Variants in SCN9A observed in about 807,000 individuals in gnomAD.
SCN9A encodes sodium voltage-gated channel alpha subunit 9, also known as sodium channel protein type 9 subunit alpha.
Under a neutral mutation model 187.0 loss-of-function variants are expected in SCN9A, and 131 were observed. That is an observed-to-expected ratio of 0.70 (90% confidence interval 0.61 to 0.81). The LOEUF is 0.81. SCN9A is among the 30% of genes least tolerant of loss of function. The pLI is 0.00. For synonymous variants in SCN9A, 809 were observed against 808.6 expected (o/e 1.00, Z -0.01); for missense variants, 2,252 against 2,396.6 (o/e 0.94, Z 1.26).
At chr2:166,227,812 AATT>A (rs3838778) in intron 22 of SCN9A, 89 bp from the exon 23 acceptor site, 19,888 of 721,390 alleles carry the variant, frequency 0.028, 2,293 homozygotes, top group Admixed American at 0.26. Context: ...ATGTTACCAC[AATT>A]ATTAAGTAAT....
At chr2:166,287,667 A>G (rs1697831483) in intron 10 of SCN9A, among the ~76,000 whole-genome samples, 1 of 152,106 alleles carries the variant, frequency 6.6e-6, no homozygotes, top group African/African-American at 2.4e-5. Context: ...TGTTTCTCTT[A>G]GTACAAGCCT....
intron 21 of SCN9A, among the ~76,000 whole-genome samples, 156 bp downstream of exon 21, chr2:166,233,184 T>C (rs1216227093): frequency 1.2e-5 from 1 of 83,414 alleles, no homozygotes; most frequent in Non-Finnish European, 2.3e-5. Flanking sequence ...TATATACATA[T>C]ATGCATATGT....
rs1558974298 is a variant in SCN9A at position 166,239,221 on chromosome 2, T to TAAAAAAA, written c.3628-955_3628-954insTTTTTTT. 6.9e-5 allele frequency among the ~76,000 whole-genome samples: 9 copies of TAAAAAAA among 130,082 alleles called. 4 individuals carry two copies. Among genetic ancestry groups the TAAAAAAA allele is most frequent in the Admixed American group, 1.6e-4 (2 of 12,668 alleles). The allele number at this position is 130,082 out of a possible 152,430, so 85.3% of individuals were successfully genotyped here. A position where few individuals can be genotyped will look rare whatever the true frequency, so the allele number is the denominator to read the frequency against. ...CTGGGCAACAGAGCAAGACTCTGTC[T>TAAAAAAA]CAAAAAAAAAAAAAAAAAAAAGGCT... On this transcript the variant is annotated intron_variant, in intron 19 of 26. Transcript: ENST00000642356.
chr2:166,238,534 C>A (rs1017000564), intron 19 of SCN9A, among the ~76,000 whole-genome samples: 2 of 152,196 alleles, frequency 1.3e-5, no homozygotes, highest in Non-Finnish European at 2.9e-5. Context: ...TGATCTCTGA[C>A]ACCTGATCAT....
intron 20 of SCN9A, among the ~76,000 whole-genome samples, chr2:166,233,746 T>C (rs1695196606): frequency 6.6e-6 from 1 of 152,160 alleles, no homozygotes. Flanking sequence ...TTGTAATCAA[T>C]TGCTTTGTAA....
Position 166,199,078 on chromosome 2 carries a change from C to G in SCN9A, c.5561G>C (p.Gly1854Ala). Reference sequence around the variant, plus strand: ...CTGTGAACGAAGAGAATCCATCTCCCCACTCTCACCCAAAACACGCTTTGT... The same window carrying G: ...CTGTGAACGAAGAGAATCCATCTCCGCACTCTCACCCAAAACACGCTTTGT... The part of the protein sequence containing the change: ...AFTKRVLGES[G>A]EMDSLRSQME... The change falls in exon 27 of 27, where the codon GGG (glycine) becomes GCG (alanine). Residue 1854 changes from glycine to alanine, a missense_variant. Physicochemically the swap from Gly to Ala is moderately conservative, Grantham distance 60 (BLOSUM62 0). Transcript: ENST00000642356. 2 of 1,614,064 alleles carry G rather than the reference C, an allele frequency of 1.2e-6. No homozygotes were observed. The highest frequency in any genetic ancestry group is 1.7e-6 in the Non-Finnish European group (2 of 1,180,016).
intron 1 of SCN9A, among the ~76,000 whole-genome samples, chr2:166,315,738 A>G (rs868505698): frequency 1.5e-4 from 23 of 152,316 alleles, no homozygotes; most frequent in Admixed American, 3.3e-4. Context: ...ACAGGGTTAC[A>G]GAGGGCAACA....
rs200189279 is a variant in SCN9A at position 166,293,330 on chromosome 2, G to A, written c.1008C>T (p.Asn336=). The change falls in exon 9 of 27, where the codon AAC becomes AAT. Residue 336 remains asparagine, a synonymous_variant. Transcript: ENST00000642356. ...CAAAGCTCGTGTAGCCATAATCAGGGTTTCTGCCAATTTTCACACAGGTGT... is the reference window on the plus strand; with the variant it reads ...CAAAGCTCGTGTAGCCATAATCAGGATTTCTGCCAATTTTCACACAGGTGT... The part of the protein sequence containing the change: ...EGYTCVKIGR[N]PDYGYTSFDT... 9 of 1,609,130 alleles carry A rather than the reference G, an allele frequency of 5.6e-6. No homozygotes were observed. The highest frequency in any genetic ancestry group is 1.7e-5 in the Admixed American group (1 of 59,310).
At chr2:166,349,904 G>A (rs1379612083) in intron 1 of SCN9A, among the ~76,000 whole-genome samples, 2 of 151,928 alleles carry the variant, frequency 1.3e-5, no homozygotes. Flanking sequence ...CCTGGGAGGC[G>A]GAGGTTGTGG....
At chr2:166,232,974 T>A (rs12611883) in intron 21 of SCN9A, among the ~76,000 whole-genome samples, 19,784 of 147,034 alleles carry the variant, frequency 0.13, 1,688 homozygotes, top group East Asian at 0.34. Flanking sequence ...ATTAATGCTA[T>A]AATTAGTATT....
intron 1 of SCN9A, among the ~76,000 whole-genome samples, chr2:166,344,618 C>T (rs888943770): frequency 6.6e-6 from 1 of 152,166 alleles, no homozygotes. Context: ...GTAAAAGGCA[C>T]AATGAAATTT....
intron 1 of SCN9A, among the ~76,000 whole-genome samples, chr2:166,338,571 A>G (rs113989468): frequency 1.6e-4 from 25 of 152,268 alleles, no homozygotes; most frequent in Admixed American, 1.5e-3. Context: ...CCCACTTCCT[A>G]TAATGTTAAC....
intron 1 of SCN9A, among the ~76,000 whole-genome samples, chr2:166,361,567 T>C (rs1296128771): frequency 6.6e-6 from 1 of 152,054 alleles, no homozygotes; most frequent in East Asian, 1.9e-4. Flanking sequence ...GTTTGATAAA[T>C]GTGGATACAC....
chr2:166,292,264 T>C (rs774414033), intron 9 of SCN9A, among the ~76,000 whole-genome samples: 1 of 152,130 alleles, frequency 6.6e-6, no homozygotes, highest in Non-Finnish European at 1.5e-5. Flanking sequence ...TAATGTAATA[T>C]ACTTTTATCA....
intron 17 of SCN9A, among the ~76,000 whole-genome samples, chr2:166,256,182 T>C (rs1182467208): frequency 2.6e-5 from 4 of 151,374 alleles, no homozygotes; most frequent in Non-Finnish European, 5.9e-5. Context: ...CTTTATTTTT[T>C]TCCTTCTGGA....
In SCN9A at chr2:166,361,860, G is replaced by A. The variant is rs184289118; in HGVS notation, c.-51+13837C>T. Among the ~76,000 whole-genome samples the A allele has an allele frequency of 1.4e-3, 213 of 152,060 alleles. 1 individual carries two copies. Among genetic ancestry groups the A allele is most frequent in the African/African-American group, 5.0e-3 (207 of 41,516 alleles). ...AGTCAGAGGATTTTTCATTAGCAGC[G>A]GATGCTCCAGAACTTAATGCTAAAG... On this transcript the variant is annotated intron_variant, in intron 1 of 26. Transcript: ENST00000642356.
chr2:166,354,494 G>T (rs1170624747), intron 1 of SCN9A, among the ~76,000 whole-genome samples: 4 of 152,098 alleles, frequency 2.6e-5, no homozygotes, highest in Non-Finnish European at 5.9e-5. Context: ...TAAGTTCACA[G>T]CAGAACTTAA....
At chr2:166,341,453 T>C (rs1253260559) in intron 1 of SCN9A, among the ~76,000 whole-genome samples, 1 of 152,182 alleles carries the variant, frequency 6.6e-6, no homozygotes, top group Non-Finnish European at 1.5e-5. Context: ...TTCTCCCACT[T>C]TATACCGTCT....
chr2:166,375,760 G>T lies in SCN9A; in HGVS notation c.-114C>A, dbSNP rs1700674495. ...CTGCAGAATCTGGCTCCAGGAGAGG[G>T]CGCGGGCCTCTCCTTCCCCGGCGCT... On this transcript the variant is annotated 5_prime_UTR_variant, in exon 1 of 27. Transcript: ENST00000642356. 6.6e-6 allele frequency: 1 copy of T among 152,292 alleles called. No homozygotes were observed. 9.4% of individuals were successfully genotyped at this position (152,292 alleles called of 1,614,324 possible). A position where few individuals can be genotyped will look rare whatever the true frequency, so the allele number is the denominator to read the frequency against.
Sources: gnomAD v4.1 joint callset for allele counts (sites outside exome capture counted in the v4.1 genomes callset) on GRCh38, gnomAD v4.1.1 for gene constraint, MANE v1.5 for transcripts, NCBI Gene and HGNC (gene_info 2026-07-23, HGNC 2026-07-21) for gene names.